The following FRMD4B variants were observed in gnomAD, a reference collection of about 807,000 sequenced individuals.
The protein encoded by FRMD4B is FERM domain-containing protein 4B.
A neutral mutation model predicts 141.5 loss-of-function variants in FRMD4B; 74 were observed. The ratio of observed to expected loss-of-function variants is 0.52; its 90% confidence interval spans 0.43 to 0.63. The LOEUF is 0.63. Among genes scored for constraint, FRMD4B ranks in the 30% least tolerant of loss-of-function variants. The probability of loss-of-function intolerance (pLI) is 0.00; values close to 1 mark genes in which losing one functional copy is unlikely to be tolerated. For missense variants in FRMD4B, 1,366 were observed against 1,253.4 expected, an observed-to-expected ratio of 1.09 and a Z score of -1.36; for synonymous variants, 506 against 467.9, an observed-to-expected ratio of 1.08 and a Z score of -1.05.
At chr3:69,341,757 A>G (rs1023508282) in intron 1 of FRMD4B, among the ~76,000 whole-genome samples, 7 of 152,246 alleles carry the variant, frequency 4.6e-5, no homozygotes, top group African/African-American at 1.4e-4. Context: ...AAGCCCTTAT[A>G]AAATAGGCTT....
chr3:69,203,282 A>G (rs565035298), intron 11 of FRMD4B, among the ~76,000 whole-genome samples: 1 of 139,082 alleles, frequency 7.2e-6, no homozygotes, highest in East Asian at 2.2e-4. Flanking sequence ...CACTATTATA[A>G]TGGTTCCTAA....
intron 2 of FRMD4B, among the ~76,000 whole-genome samples, chr3:69,403,766 T>C (rs993698018): frequency 3.3e-5 from 5 of 152,140 alleles, no homozygotes; most frequent in African/African-American, 1.2e-4. Context: ...TACAGCATTC[T>C]CTATCTCTAT....
chr3:69,521,931 T>G (rs545584629), intron 1 of FRMD4B, among the ~76,000 whole-genome samples: 2 of 152,228 alleles, frequency 1.3e-5, no homozygotes, highest in African/African-American at 4.8e-5. Context: ...ATGGTCCTCA[T>G]GGTCACACAC....
intron 1 of FRMD4B, among the ~76,000 whole-genome samples, chr3:69,358,465 G>A (rs1234560137): frequency 6.6e-6 from 1 of 152,182 alleles, no homozygotes; most frequent in Admixed American, 6.5e-5. Context: ...CCAGATCCGG[G>A]GGGCACATGC....
chr3:69,470,854 G>A (rs1377305772), intron 1 of FRMD4B, among the ~76,000 whole-genome samples: 1 of 152,168 alleles, frequency 6.6e-6, no homozygotes, highest in African/African-American at 2.4e-5. Flanking sequence ...TATAATAAGA[G>A]AATCAACATT....
intron 2 of FRMD4B, among the ~76,000 whole-genome samples, chr3:69,429,792 C>T (rs1466878733): frequency 7.7e-6 from 1 of 129,870 alleles, no homozygotes; most frequent in African/African-American, 2.9e-5. Context: ...GTCTCACTTA[C>T]TCTGCTGCCC....
intron 1 of FRMD4B, among the ~76,000 whole-genome samples, chr3:69,483,424 T>C (rs1002008689): frequency 1.3e-5 from 2 of 152,354 alleles, no homozygotes; most frequent in Non-Finnish European, 2.9e-5. Flanking sequence ...TAGAATCCCA[T>C]AGAGGTTTCC....
chr3:69,237,557 G>A (rs2093353165), intron 7 of FRMD4B, among the ~76,000 whole-genome samples: 3 of 152,054 alleles, frequency 2.0e-5, no homozygotes, highest in Admixed American at 2.0e-4. Context: ...ATGCAAAGAA[G>A]GCCTTCATGG....
intron 21 of FRMD4B, 44 bp downstream of exon 21, chr3:69,180,855 T>C (rs780413354): frequency 1.4e-5 from 19 of 1,368,816 alleles, no homozygotes; most frequent in Admixed American, 7.5e-5. Flanking sequence ...GGAAACACGA[T>C]GTAAATAAAA....
chr3:69,168,876 T>C lies in FRMD4B; in HGVS notation c.*2985A>G, dbSNP rs754285434. Reference sequence around the variant, plus strand: ...AAAATTTTTGTCAAATATAGAAAAATAGATAAACATCTAGTAGGGTGAGGC... The same window carrying C: ...AAAATTTTTGTCAAATATAGAAAAACAGATAAACATCTAGTAGGGTGAGGC... On this transcript the variant is annotated 3_prime_UTR_variant, in exon 23 of 23. Transcript: ENST00000398540. Among the ~76,000 whole-genome samples, 5 of 152,122 alleles carry C rather than the reference T, an allele frequency of 3.3e-5. No homozygotes were observed. The highest frequency in any genetic ancestry group is 2.1e-4 in the South Asian group (1 of 4,828).
intron 1 of FRMD4B, among the ~76,000 whole-genome samples, chr3:69,462,666 C>T (rs1705723881): frequency 6.6e-6 from 1 of 152,230 alleles, no homozygotes. Context: ...GTCACTTGTG[C>T]ATCACCCAAT....
chr3:69,434,134 T>C (rs1192591168), intron 1 of FRMD4B, among the ~76,000 whole-genome samples: 5 of 152,202 alleles, frequency 3.3e-5, no homozygotes, highest in Non-Finnish European at 5.9e-5. Flanking sequence ...CAGTGTCTAA[T>C]GTCACGTGCA....
chr3:69,189,837 T>G (rs1018743681), intron 18 of FRMD4B, 59 bp downstream of exon 18: 15 of 1,032,424 alleles, frequency 1.5e-5, no homozygotes, highest in Non-Finnish European at 1.9e-5. Context: ...CTAAGAAAAT[T>G]ATCTTAATTA....
chr3:69,195,236 C>A lies in FRMD4B; in HGVS notation c.1363G>T (p.Glu455Ter). The change falls in exon 15 of 23, where the codon GAG (glutamate) becomes TAG (stop). Residue 455 changes from glutamate (E) to a stop codon, truncating the protein, a stop_gained. Transcript: ENST00000398540. LOFTEE classifies it high-confidence loss of function. The part of the protein sequence containing the change: ...VEELKKICLR[E>*]AELTGKMPKE... The stretch of plus-strand genomic sequence containing the variant: ...GCCCCAAAAAGCAGACTCACAGCCT[C>A]CCGCAGACAGATCTTCTTAAGCTCC... 1 of 1,613,150 alleles carries A rather than the reference C, an allele frequency of 6.2e-7. No individual in the cohort carries two copies. The highest frequency in any genetic ancestry group is 8.5e-7 in the Non-Finnish European group (1 of 1,179,654).
intron 1 of FRMD4B, among the ~76,000 whole-genome samples, chr3:69,380,830 G>A (rs1014560669): frequency 6.6e-6 from 1 of 152,154 alleles, no homozygotes; most frequent in Non-Finnish European, 1.5e-5. Context: ...GGAGAGGAAG[G>A]GAAAACCTAA....
At chr3:69,274,304 A>T (rs893398597) in intron 5 of FRMD4B, among the ~76,000 whole-genome samples, 1 of 152,086 alleles carries the variant, frequency 6.6e-6, no homozygotes, top group Non-Finnish European at 1.5e-5. Flanking sequence ...TCTTATTTCC[A>T]CTTTAAAGTT....
At chr3:69,367,082 A>G (rs1460909123) in intron 1 of FRMD4B, among the ~76,000 whole-genome samples, 1 of 152,146 alleles carries the variant, frequency 6.6e-6, no homozygotes, top group African/African-American at 2.4e-5. Context: ...TCATTTTTAA[A>G]TGGACATACT....
intron 1 of FRMD4B, among the ~76,000 whole-genome samples, chr3:69,357,311 T>C (rs1450679474): frequency 6.6e-6 from 1 of 152,230 alleles, no homozygotes; most frequent in Non-Finnish European, 1.5e-5. Flanking sequence ...TCCAAATGCC[T>C]TCTGCCGTGC....
chr3:69,488,862 C>T (rs1271854368), intron 1 of FRMD4B, among the ~76,000 whole-genome samples: 1 of 146,550 alleles, frequency 6.8e-6, no homozygotes, highest in African/African-American at 2.5e-5. Context: ...CACTGCACTC[C>T]AGCCTGGGTG....
Sources: allele counts gnomAD v4.1 joint callset (sites outside exome capture counted in the v4.1 genomes callset), GRCh38; gene constraint gnomAD v4.1.1; transcripts MANE v1.5; gene names NCBI Gene and HGNC (gene_info 2026-07-23, HGNC 2026-07-21).